ZNF511: variants seen among roughly 807,000 people sequenced by gnomAD.
ZNF511 encodes the protein zinc finger protein 511.
In ZNF511, 26 loss-of-function variants were observed where a neutral mutation model predicts 24.8. The observed-to-expected ratio is 1.05, with a 90% CI of 0.77 to 1.46. The LOEUF (loss-of-function observed/expected upper bound fraction) is 1.46, where lower values mean the gene tolerates loss of function less well. Ranked by LOEUF, ZNF511 falls within the 40% of genes most tolerant of loss-of-function variation. ZNF511 has a pLI of 0.00. For synonymous variants in ZNF511, 144 were observed against 139.6 expected (o/e 1.03, Z -0.22); for missense variants, 358 against 345.0 (o/e 1.04, Z -0.30).
chr10:133,312,448 C>T, intron 5 of ZNF511: 1 of 1,215,038 alleles, frequency 8.2e-7, no homozygotes, highest in Non-Finnish European at 1.0e-6. Context: ...GATGCCTGGA[C>T]TTTGGCCTGT....
chr10:133,309,832 A>G lies in ZNF511; in HGVS notation c.284A>G (p.Asp95Gly). Reference protein sequence around the residue: ...AGCCQVFDALDDYEHHYHTLH... With the variant: ...AGCCQVFDALGDYEHHYHTLH... The stretch of plus-strand genomic sequence containing the variant: ...TGCTGCCAGGTGTTCGATGCCCTGG[A>G]CGACTACGAGCACCACTACCACACG... Residue 95 changes from aspartate (D) to glycine (G), a missense_variant, in exon 3 of 6, where the codon GAC becomes GGC. Transcript: ENST00000361518. 1 of 1,613,686 alleles carries G rather than the reference A, an allele frequency of 6.2e-7. No individual in the cohort carries two copies. Among genetic ancestry groups the G allele is most frequent in the Admixed American group, 1.7e-5 (1 of 60,018 alleles).
intron 3 of ZNF511, 69 bp downstream of exon 3, chr10:133,310,046 C>T (rs956543324): frequency 3.1e-6 from 5 of 1,609,102 alleles, no homozygotes; most frequent in Non-Finnish European, 4.2e-6. Context: ...CTGCCCCCAG[C>T]TCTCGGGTGC....
In ZNF511 at chr10:133,309,464, G is replaced by GT. The variant is rs1363824300; in HGVS notation, c.227+2dup. The GT allele has an allele frequency of 2.5e-6, 4 of 1,611,742 alleles. No homozygotes were observed. The highest frequency in any genetic ancestry group is 1.7e-6 in the Non-Finnish European group (2 of 1,179,464). On this transcript the variant is annotated splice_donor_variant, in intron 2 of 5. Coordinates refer to ENST00000361518, the MANE Select transcript of ZNF511 (RefSeq NM_145806.4). LOFTEE classifies it high-confidence loss of function. ...TGGCCGACGTGCCTGAGAAGCCCAG[G>GT]TAAGCGAATGGGCAGTGCCTAGCCA...
chr10:133,312,766 T>G lies in ZNF511; in HGVS notation c.681-22T>G, dbSNP rs1322656323. ...GTTGGTTGGCAAATACAGCATCTAA[T>G]AGAAACTTTCTTCCATCCCAGAATA... is the stretch of plus-strand genomic sequence containing the variant. On this transcript the variant is annotated intron_variant, in intron 5 of 5. Transcript: ENST00000361518. 2.5e-6 allele frequency: 4 copies of G among 1,614,188 alleles called. No homozygotes were observed. In the South Asian group the frequency reaches 4.4e-5, roughly 18 times the overall value.
chr10:133,313,087 G>A lies in ZNF511; in HGVS notation c.*221G>A. 2 of 1,253,660 alleles carry A rather than the reference G, an allele frequency of 1.6e-6. No individual in the cohort carries two copies. Among genetic ancestry groups the A allele is most frequent in the Non-Finnish European group, 1.1e-6 (1 of 947,250 alleles). The allele number at this position is 1,253,660 out of a possible 1,614,324, so 77.7% of individuals were successfully genotyped here. On this transcript the variant is annotated 3_prime_UTR_variant, in exon 6 of 6. Coordinates refer to ENST00000361518, the MANE Select transcript of ZNF511 (RefSeq NM_145806.4). ...GACACACTATTGGGAAGGAGATGTG[G>A]ACGGCCTGTCTCCTCCTGCAGGGCC...
At chr10:133,311,905 C>T (rs777673455) in intron 5 of ZNF511, 64 bp downstream of exon 5, 2 of 1,613,186 alleles carry the variant, frequency 1.2e-6, no homozygotes, top group South Asian at 1.1e-5. Flanking sequence ...GGATTCTGGG[C>T]TGCACCTGGG....
In ZNF511 at chr10:133,309,517, C is replaced by T. The variant is rs1015541110; in HGVS notation, c.227+54C>T. 12 of 1,563,570 alleles carry T rather than the reference C, an allele frequency of 7.7e-6. No homozygotes were observed. In the African/African-American group the frequency reaches 1.1e-4, roughly 14 times the overall value. ...GCTACTCCTGCGCCGCCTCCCTGAC[C>T]GGTGCCTGGTCCCTGGGGCTGTGCT... On this transcript the variant is annotated intron_variant, in intron 2 of 5. Coordinates refer to ENST00000361518, the MANE Select transcript of ZNF511 (RefSeq NM_145806.4).
chr10:133,311,504 T>C, intron 4 of ZNF511: 1 of 523,182 alleles, frequency 1.9e-6, no homozygotes. Context: ...GTTTATAAGA[T>C]GCAGACTCTA....
At chr10:133,312,157 A>ACCTGTGCCGTCTGCGTTTC in intron 5 of ZNF511, 1 of 1,372,032 alleles carries the variant, frequency 7.3e-7, no homozygotes, top group Non-Finnish European at 9.5e-7. Flanking sequence ...GTCTGCCTTA[A>ACCTGTGCCGTCTGCGTTTC]TAGCATCACC....
In ZNF511 at chr10:133,312,038, G is replaced by A. The variant is rs1848002500; in HGVS notation, c.680+197G>A. ...TAACTTAGTTTCTCTCGCATACTCTGTTTTTGAGCCATTGAAGCGCAGGAA... is the reference window on the plus strand; with the variant it reads ...TAACTTAGTTTCTCTCGCATACTCTATTTTTGAGCCATTGAAGCGCAGGAA... On this transcript the variant is annotated intron_variant, in intron 5 of 5. Transcript: ENST00000361518. The A allele has an allele frequency of 7.3e-6, 11 of 1,510,332 alleles. No homozygotes were observed. In the Middle Eastern group the frequency reaches 8.8e-4, roughly 122 times the overall value. 93.6% of individuals were successfully genotyped at this position (1,510,332 alleles called of 1,614,324 possible). A position where few individuals can be genotyped will look rare whatever the true frequency, so the allele number is the denominator to read the frequency against.
chr10:133,309,664 T>C (rs868508158), intron 2 of ZNF511, 112 bp from the exon 3 acceptor site: 25 of 1,362,186 alleles, frequency 1.8e-5, no homozygotes, highest in Middle Eastern at 2.4e-4. Context: ...GGTTTGGGAT[T>C]GCAAAAGATG....
rs956567043 is a variant in ZNF511 at position 133,308,953 on chromosome 10, C to A, written c.10C>A (p.Pro4Thr). ...GCCCGCGCCCGGGGTGATGCAGTTG[C>A]CCCCCGCGCTGTGCGCCCGCCTCGC... MQL[P>T]PALCARLAAG... The change falls in exon 1 of 6, where the codon CCC becomes ACC. Residue 4 changes from proline (P) to threonine (T), a missense_variant. Coordinates refer to ENST00000361518, the MANE Select transcript of ZNF511 (RefSeq NM_145806.4). The A allele has an allele frequency of 8.1e-6, 10 of 1,234,576 alleles. No individual in the cohort carries two copies. The highest frequency in any genetic ancestry group is 1.6e-5 in the African/African-American group (1 of 63,928). The allele number at this position is 1,234,576 out of a possible 1,614,324, so 76.5% of individuals were successfully genotyped here. A position where few individuals can be genotyped will look rare whatever the true frequency, so the allele number is the denominator to read the frequency against.
At chr10:133,310,844 C>G (rs1210452039) in intron 4 of ZNF511, among the ~76,000 whole-genome samples, 1 of 152,026 alleles carries the variant, frequency 6.6e-6, no homozygotes, top group East Asian at 1.9e-4. Context: ...CTCTGACACC[C>G]AGGCTGGAGT....
chr10:133,309,183 G>A (rs981508363), intron 1 of ZNF511, 87 bp downstream of exon 1: 1 of 1,376,056 alleles, frequency 7.3e-7, no homozygotes, highest in Non-Finnish European at 9.5e-7. Context: ...GAGTGGGAGG[G>A]GCCTACGACT....
chr10:133,310,396 C>T lies in ZNF511; in HGVS notation c.554+108C>T, dbSNP rs1247687421. 9.3e-6 allele frequency: 13 copies of T among 1,401,098 alleles called. No individual in the cohort carries two copies. The East Asian group carries it at 2.8e-4, about 30-fold the overall frequency. 86.8% of individuals were successfully genotyped at this position (1,401,098 alleles called of 1,614,324 possible). On this transcript the variant is annotated intron_variant, in intron 4 of 5. Coordinates refer to ENST00000361518, the MANE Select transcript of ZNF511 (RefSeq NM_145806.4). ...GACTTATTAAGCACTTGTGTGTCAC[C>T]TAATGGGGTGTTCACCTGCAGGTAC...
At chr10:133,309,498 C>G (rs749497111) in intron 2 of ZNF511, 35 bp downstream of exon 2, 13 of 1,595,128 alleles carry the variant, frequency 8.1e-6, no homozygotes, top group Non-Finnish European at 1.0e-5. Flanking sequence ...CAGTGCTACT[C>G]CTGCGCCGCC....
At chr10:133,312,748 G>A (rs1334700782) in intron 5 of ZNF511, 40 bp from the exon 6 acceptor site, 9 of 1,614,002 alleles carry the variant, frequency 5.6e-6, no homozygotes, top group Non-Finnish European at 7.6e-6. Flanking sequence ...GTTGTTGGTT[G>A]GCAAATACAG....
chr10:133,310,107 G>T (rs1564778452), intron 3 of ZNF511, 57 bp from the exon 4 acceptor site: 1 of 1,611,946 alleles, frequency 6.2e-7, no homozygotes, highest in African/African-American at 1.3e-5. Context: ...TGCTACGGGG[G>T]CATGGCGGTG....
chr10:133,309,715 G>C (rs545292455), intron 2 of ZNF511, 61 bp from the exon 3 acceptor site: 19 of 1,588,592 alleles, frequency 1.2e-5, no homozygotes, highest in Non-Finnish European at 1.6e-5. Context: ...AAACTGTGCA[G>C]AAAGTCCAGC....
Sources: gnomAD v4.1 joint callset for allele counts (sites outside exome capture counted in the v4.1 genomes callset) on GRCh38, gnomAD v4.1.1 for gene constraint, MANE v1.5 for transcripts, NCBI Gene and HGNC (gene_info 2026-07-23, HGNC 2026-07-21) for gene names.